The following ANO3 variants were observed in gnomAD, a reference collection of about 807,000 sequenced individuals.
The protein encoded by ANO3 is anoctamin-3.
A neutral mutation model predicts 144.8 loss-of-function variants in ANO3; 99 were observed. The ratio of observed to expected loss-of-function variants is 0.68; its 90% CI spans 0.58 to 0.81. The LOEUF (loss-of-function observed/expected upper bound fraction) is 0.81. Among genes scored for constraint, ANO3 ranks in the 30% least tolerant of loss-of-function variants. The pLI, the probability that ANO3 is intolerant of heterozygous loss-of-function variation, is 0.00. For synonymous variants in ANO3, 414 were observed against 392.6 expected (o/e 1.05, Z -0.64); for missense variants, 905 against 1,202.2 (o/e 0.75, Z 3.66).
At chr11:26,526,115 C>T (rs1849156860) in intron 7 of ANO3, among the ~76,000 whole-genome samples, 1 of 152,034 alleles carries the variant, frequency 6.6e-6, no homozygotes, top group Admixed American at 6.6e-5. Context: ...GGTGCTTTAC[C>T]AAGGCCATGT....
In ANO3 at chr11:26,490,098, C is replaced by A. The variant is rs139662652; in HGVS notation, c.433-18006C>A. Among the ~76,000 whole-genome samples, 904 of 152,148 alleles carry A rather than the reference C, an allele frequency of 5.9e-3. 10 individuals are homozygous for A. The highest frequency in any genetic ancestry group is 0.02 in the African/African-American group (833 of 41,502). Reference sequence around the variant, plus strand: ...ACTTGAATTGTATCTCCCAGAGTTCCCATGTGTTATGGGAGGGACCAAGGG... The same window carrying A: ...ACTTGAATTGTATCTCCCAGAGTTCACATGTGTTATGGGAGGGACCAAGGG... On this transcript the variant is annotated intron_variant, in intron 4 of 26. Transcript: ENST00000256737.
chr11:26,546,550 G>A (rs376950437), intron 11 of ANO3, among the ~76,000 whole-genome samples: 60 of 152,070 alleles, frequency 3.9e-4, no homozygotes, highest in African/African-American at 1.4e-3. Context: ...TTAAGTAACC[G>A]TCTTTAGAAG....
intron 17 of ANO3, among the ~76,000 whole-genome samples, chr11:26,609,188 T>C (rs28622575): frequency 0.7 from 106,172 of 151,906 alleles, 38,234 homozygotes; most frequent in East Asian, 0.84. Flanking sequence ...GGAGGCTCCC[T>C]TATCCCCTGT....
At chr11:26,476,912 TGTGTGTGTGTGTGTGTGTGTGA>T (rs1860000944) in intron 4 of ANO3, among the ~76,000 whole-genome samples, 1 of 142,096 alleles carries the variant, frequency 7.0e-6, no homozygotes, top group Non-Finnish European at 1.6e-5. Flanking sequence ...TATGTGTGTG[TGTGTGTGTGTGTGTGTGTGTGA>T]GAGAGAGAGA....
Position 26,442,131 on chromosome 11 carries a change from T to G in ANO3, c.241+19T>G. On this transcript the variant is annotated intron_variant, in intron 2 of 26. Coordinates refer to ENST00000256737, the MANE Select transcript of ANO3 (RefSeq NM_031418.4). ...GAGCAAGGTGAGCAGCAATTCCTATTTTCTTGTTCAATTTATAAAAACTAC... is the reference window on the plus strand; with the variant it reads ...GAGCAAGGTGAGCAGCAATTCCTATGTTCTTGTTCAATTTATAAAAACTAC... The G allele has an allele frequency of 6.2e-7, 1 of 1,600,060 alleles. No homozygotes were observed. The highest frequency in any genetic ancestry group is 8.5e-7 in the Non-Finnish European group (1 of 1,175,426).
At chr11:26,262,737 C>CAGAG (rs1467991951) in intron 1 of ANO3, among the ~76,000 whole-genome samples, 1 of 151,820 alleles carries the variant, frequency 6.6e-6, no homozygotes, top group Admixed American at 6.6e-5. Context: ...CACACACACA[C>CAGAG]ACAGAGAGAG....
chr11:26,521,903 G>A (rs905558492), intron 6 of ANO3, among the ~76,000 whole-genome samples: 1 of 152,132 alleles, frequency 6.6e-6, no homozygotes, highest in African/African-American at 2.4e-5. Context: ...CATTAAGAGC[G>A]GCCGGGCGCG....
chr11:26,226,826 C>CAG (rs1196774853), intron 1 of ANO3, among the ~76,000 whole-genome samples: 1 of 152,006 alleles, frequency 6.6e-6, no homozygotes, highest in Non-Finnish European at 1.5e-5. Flanking sequence ...TTTAAGTATA[C>CAG]AGATCAGTGG....
At chr11:26,455,946 C>T (rs1859139483) in intron 3 of ANO3, among the ~76,000 whole-genome samples, 1 of 151,654 alleles carries the variant, frequency 6.6e-6, no homozygotes, top group Non-Finnish European at 1.5e-5. Flanking sequence ...TGATCTTTGA[C>T]AAACCTGAGA....
At position 26,616,218 on chromosome 11, in the gene ANO3, C is replaced by T. The variant is rs1357074971; in HGVS notation, c.1837-8244C>T. Among the ~76,000 whole-genome samples the T allele has an allele frequency of 2.6e-5, 4 of 152,070 alleles. No homozygotes were observed. The East Asian group carries it at 7.7e-4, about 29-fold the overall frequency. ...AATGTTAGAAATGCTAAATAAAAGCCACTTTCCTCAGTTCATAATGCCACT... is the reference window on the plus strand; with the variant it reads ...AATGTTAGAAATGCTAAATAAAAGCTACTTTCCTCAGTTCATAATGCCACT... On this transcript the variant is annotated intron_variant, in intron 17 of 26. Coordinates refer to ENST00000256737, the MANE Select transcript of ANO3 (RefSeq NM_031418.4).
At chr11:26,201,850 G>C (rs1194504714) in intron 1 of ANO3, among the ~76,000 whole-genome samples, 1 of 151,088 alleles carries the variant, frequency 6.6e-6, no homozygotes, top group Non-Finnish European at 1.5e-5. Context: ...AGAGGTGTAA[G>C]ATTTTCAATT....
At chr11:26,543,052 AGG>A in intron 11 of ANO3, among the ~76,000 whole-genome samples, 1 of 152,168 alleles carries the variant, frequency 6.6e-6, no homozygotes, top group African/African-American at 2.4e-5. Context: ...GTGACGGATG[AGG>A]AAGCTCCCAG....
chr11:26,281,566 T>C lies in ANO3; in HGVS notation c.155-28079T>C, dbSNP rs1396202391. ...TCTGAGTTAATTATGCAAAATAAAT[T>C]TTGACCCCACCCTAGGAATTTCTAT... On this transcript the variant is annotated intron_variant, in intron 1 of 27. Coordinates refer to the ANO3 transcript ENST00000672621. 2.0e-5 allele frequency among the ~76,000 whole-genome samples: 3 copies of C among 152,110 alleles called. No individual in the cohort carries two copies. In the East Asian group the frequency reaches 5.8e-4, roughly 29 times the overall value.
At position 26,517,031 on chromosome 11, in the gene ANO3, CT is replaced by C. The variant is rs775908001; in HGVS notation, c.692+109del. ...TGCAACCCCTTCTACAGAGAAAATG[CT>C]TTTTCTTTCAAAATTTCAGTTATTC... On this transcript the variant is annotated intron_variant, in intron 6 of 26. Coordinates refer to ENST00000256737, the MANE Select transcript of ANO3 (RefSeq NM_031418.4). 218 of 549,128 alleles carry C rather than the reference CT, an allele frequency of 4.0e-4. 1 individual carries two copies. The highest frequency in any genetic ancestry group is 5.7e-4 in the Non-Finnish European group (191 of 334,460). The allele number at this position is 549,128 out of a possible 1,614,324, so 34.0% of individuals were successfully genotyped here.
intron 14 of ANO3, among the ~76,000 whole-genome samples, chr11:26,580,512 T>A (rs897643544): frequency 2.0e-5 from 3 of 152,186 alleles, no homozygotes; most frequent in Non-Finnish European, 4.4e-5. Context: ...ATTACCTGTG[T>A]TGGGCACCAT....
At chr11:26,213,992 A>C (rs931063506) in intron 1 of ANO3, among the ~76,000 whole-genome samples, 1 of 152,004 alleles carries the variant, frequency 6.6e-6, no homozygotes, top group African/African-American at 2.4e-5. Flanking sequence ...AGACTACTGT[A>C]GGTTTAGTTA....
intron 1 of ANO3, among the ~76,000 whole-genome samples, chr11:26,210,089 G>T (rs554804722): frequency 1.5e-4 from 23 of 152,114 alleles, no homozygotes; most frequent in African/African-American, 4.6e-4. Flanking sequence ...GTATTGACTA[G>T]GTTTTCTGCT....
intron 14 of ANO3, chr11:26,567,257 C>T (rs293976): frequency 0.94 from 545,216 of 578,162 alleles, 258,140 homozygotes; most frequent in South Asian, 0.97. Context: ...ACTTTTTTTT[C>T]CTCAAGCAAT....
At chr11:26,562,651 T>C (rs147652412) in intron 14 of ANO3, among the ~76,000 whole-genome samples, 2 of 151,848 alleles carry the variant, frequency 1.3e-5, no homozygotes, top group East Asian at 3.9e-4. Context: ...TGCTTTGTTT[T>C]AGAGCCTCAT....
Sources: gnomAD v4.1 joint callset for allele counts (sites outside exome capture counted in the v4.1 genomes callset) on GRCh38, gnomAD v4.1.1 for gene constraint, MANE v1.5 for transcripts, NCBI Gene and HGNC (gene_info 2026-07-23, HGNC 2026-07-21) for gene names.